HERC4: variants seen among roughly 807,000 people sequenced by gnomAD.
HERC4 encodes the protein probable E3 ubiquitin-protein ligase HERC4.
A neutral mutation model predicts 124.3 loss-of-function variants in HERC4; 28 were observed. The observed-to-expected ratio is 0.23, with a 90% CI of 0.17 to 0.31. HERC4 has a LOEUF of 0.31. Ranked by LOEUF, HERC4 falls within the 10% of genes least tolerant of loss-of-function variation. The probability of loss-of-function intolerance (pLI) is 1.00; values close to 1 mark genes in which losing one functional copy is unlikely to be tolerated. For synonymous variants in HERC4, 407 were observed against 421.5 expected (o/e 0.97, Z 0.42); for missense variants, 713 against 1,229.3 (o/e 0.58, Z 6.28).
At chr10:68,069,705 T>G in intron 3 of HERC4, 1 of 985,482 alleles carries the variant, frequency 1.0e-6, no homozygotes, top group Non-Finnish European at 1.2e-6. Context: ...GAAACAATTC[T>G]TAGTTCCCTC....
chr10:68,020,579 A>G (rs2038555885), intron 8 of HERC4, among the ~76,000 whole-genome samples: 1 of 151,916 alleles, frequency 6.6e-6, no homozygotes, highest in Non-Finnish European at 1.5e-5. Context: ...ACCCCGGCTA[A>G]AAAAACGGTG....
At chr10:67,954,333 A>T in intron 19 of HERC4, 1 of 288,064 alleles carries the variant, frequency 3.5e-6, no homozygotes. Flanking sequence ...CCTCAAATTG[A>T]AATCAGCAGA....
intron 19 of HERC4, among the ~76,000 whole-genome samples, chr10:67,945,115 A>G (rs1414462677): frequency 6.6e-6 from 1 of 152,208 alleles, no homozygotes; most frequent in Non-Finnish European, 1.5e-5. Flanking sequence ...TACAGAATAC[A>G]GAGCAAATTT....
intron 3 of HERC4, among the ~76,000 whole-genome samples, chr10:68,065,031 T>C (rs554375319): frequency 2.0e-5 from 3 of 151,662 alleles, no homozygotes; most frequent in Admixed American, 1.3e-4. Flanking sequence ...ATCTAAATGA[T>C]GAAATGTTAA....
intron 23 of HERC4, among the ~76,000 whole-genome samples, chr10:67,930,256 G>A (rs1283734452): frequency 1.3e-5 from 2 of 151,908 alleles, no homozygotes; most frequent in African/African-American, 4.8e-5. Context: ...TAAAAATTAA[G>A]GCAAAACACA....
chr10:68,064,316 T>A (rs1489819021), intron 3 of HERC4, among the ~76,000 whole-genome samples: 1 of 151,700 alleles, frequency 6.6e-6, no homozygotes, highest in Non-Finnish European at 1.5e-5. Flanking sequence ...CAATTTGGGA[T>A]GTCGTGGCAG....
At chr10:67,978,369 TG>T (rs1411219267) in intron 15 of HERC4, among the ~76,000 whole-genome samples, 3 of 152,232 alleles carry the variant, frequency 2.0e-5, no homozygotes, top group African/African-American at 7.2e-5. Flanking sequence ...AGGGGAGGTC[TG>T]GGGTGTTCCT....
intron 9 of HERC4, among the ~76,000 whole-genome samples, chr10:68,008,877 G>A (rs1486349988): frequency 6.6e-6 from 1 of 152,140 alleles, no homozygotes; most frequent in African/African-American, 2.4e-5. Context: ...AGCAAATATC[G>A]CAATAATGCA....
At chr10:68,048,462 C>T (rs755524349) in intron 3 of HERC4, among the ~76,000 whole-genome samples, 6 of 152,020 alleles carry the variant, frequency 3.9e-5, no homozygotes, top group Non-Finnish European at 2.9e-5. Flanking sequence ...GAAAAGACAA[C>T]GATGGAGACA....
chr10:67,968,922 T>G (rs970825442), intron 15 of HERC4, among the ~76,000 whole-genome samples: 1 of 152,160 alleles, frequency 6.6e-6, no homozygotes, highest in African/African-American at 2.4e-5. Flanking sequence ...AATAACAATT[T>G]AAACCAACTT....
chr10:67,923,188 C>A (rs939956162), intron 24 of HERC4, 49 bp from the exon 25 acceptor site: 6 of 1,393,216 alleles, frequency 4.3e-6, no homozygotes, highest in Non-Finnish European at 6.1e-6. Context: ...CAAAAAGATA[C>A]AGTAGCAAGT....
At chr10:67,954,905 T>C in intron 18 of HERC4, 58 bp downstream of exon 18, 1 of 1,485,742 alleles carries the variant, frequency 6.7e-7, no homozygotes. Context: ...AATAGGAAAA[T>C]TTTAAACATA....
intron 15 of HERC4, among the ~76,000 whole-genome samples, chr10:67,972,198 G>A (rs1253300569): frequency 7.2e-6 from 1 of 138,718 alleles, no homozygotes; most frequent in African/African-American, 2.7e-5. Flanking sequence ...TGGGTGACAG[G>A]AGTGAAGCTC....
chr10:67,925,335 A>C, intron 23 of HERC4, 148 bp from the exon 24 acceptor site: 1 of 524,908 alleles, frequency 1.9e-6, no homozygotes, highest in East Asian at 3.1e-5. Context: ...TGAAGCTATT[A>C]GTTCCAGGAG....
rs200684660 is a variant in HERC4 at position 68,046,992 on chromosome 10, C to A, written c.227-2429G>T. 1.8e-4 allele frequency among the ~76,000 whole-genome samples: 23 copies of A among 126,200 alleles called. No individual in the cohort carries two copies. The East Asian group carries it at 5.9e-3, about 33-fold the overall frequency. 82.8% of individuals were successfully genotyped at this position (126,200 alleles called of 152,430 possible). A position where few individuals can be genotyped will look rare whatever the true frequency, so the allele number is the denominator to read the frequency against. ...AAACAAACAAACAAACAAAAAAAAA[C>A]ATGAAGAATTTTGGAAGACAGTGAA... On this transcript the variant is annotated intron_variant, in intron 3 of 24. Coordinates refer to ENST00000373700, the MANE Select transcript of HERC4 (RefSeq NM_015601.4).
intron 3 of HERC4, among the ~76,000 whole-genome samples, chr10:68,059,815 T>A (rs1375842135): frequency 2.4e-5 from 2 of 81,654 alleles, no homozygotes; most frequent in African/African-American, 1.4e-4. Flanking sequence ...TATTATAATA[T>A]TATATATCAT....
rs2036185524 is a variant in HERC4, at chr10:67,985,077, TAG to T, written c.1806+3584_1806+3585del. On this transcript the variant is annotated intron_variant, in intron 15 of 24. Coordinates refer to ENST00000373700, the MANE Select transcript of HERC4 (RefSeq NM_015601.4). Reference sequence around the variant, plus strand: ...TTAGAATAAAAATAATATATTCGCATAGTAGATAAGGTTCAATCAGCCATCAT... The same window carrying T: ...TTAGAATAAAAATAATATATTCGCATTAGATAAGGTTCAATCAGCCATCAT... Among the ~76,000 whole-genome samples, 6 of 152,336 alleles carry T rather than the reference TAG, an allele frequency of 3.9e-5. No homozygotes were observed. In the South Asian group the frequency reaches 1.2e-3, roughly 32 times the overall value.
At chr10:67,959,022 A>G in intron 16 of HERC4, 1 of 1,029,738 alleles carries the variant, frequency 9.7e-7, no homozygotes, top group Non-Finnish European at 1.4e-6. Context: ...TTTTAACCAC[A>G]CCAAAAAAAC....
In HERC4 at chr10:68,034,316, A is replaced by T. The variant is rs565449757; in HGVS notation, c.464-130T>A. The T allele has an allele frequency of 7.0e-5, 47 of 668,764 alleles. No homozygotes were observed. In the South Asian group the frequency reaches 7.9e-4, roughly 11 times the overall value. 41.4% of individuals were successfully genotyped at this position (668,764 alleles called of 1,614,324 possible). A position where few individuals can be genotyped will look rare whatever the true frequency, so the allele number is the denominator to read the frequency against. Reference sequence around the variant, plus strand: ...GGACATTCTGCCTATCATCAAAAGAATATAAATATTATTTTTAGCAATTAT... The same window carrying T: ...GGACATTCTGCCTATCATCAAAAGATTATAAATATTATTTTTAGCAATTAT... On this transcript the variant is annotated intron_variant, in intron 5 of 24. Transcript: ENST00000373700.
Sources: allele counts gnomAD v4.1 joint callset (sites outside exome capture counted in the v4.1 genomes callset), GRCh38; gene constraint gnomAD v4.1.1; transcripts MANE v1.5; gene names NCBI Gene and HGNC (gene_info 2026-07-23, HGNC 2026-07-21).